Variants in SYCP2 observed in about 807,000 individuals in gnomAD.
The protein encoded by SYCP2 is synaptonemal complex protein 2.
Under a neutral mutation model 211.3 loss-of-function variants are expected in SYCP2, and 55 were observed. That is an observed-to-expected ratio of 0.26 (90% CI 0.21 to 0.33). The LOEUF (loss-of-function observed/expected upper bound fraction) is 0.33. Ranked by LOEUF, SYCP2 falls within the 10% of genes least tolerant of loss-of-function variation. SYCP2 has a pLI of 1.00. For missense variants in SYCP2, 1,731 were observed against 1,752.0 expected (o/e 0.99, Z 0.21); for synonymous variants, 570 against 555.2 (o/e 1.03, Z -0.37).
intron 2 of SYCP2, among the ~76,000 whole-genome samples, chr20:59,925,907 C>A (rs147914904): frequency 5.4e-4 from 82 of 152,052 alleles, no homozygotes; most frequent in African/African-American, 1.9e-3. Context: ...TGCTTTAAAA[C>A]CTCACTAGTT....
intron 24 of SYCP2, among the ~76,000 whole-genome samples, chr20:59,889,498 T>C (rs1017395321): frequency 6.6e-6 from 1 of 152,046 alleles, no homozygotes; most frequent in Non-Finnish European, 1.5e-5. Flanking sequence ...TGAGGTCTCC[T>C]GATTTTATAT....
At chr20:59,914,365 AATTG>A (rs2060391188) in intron 10 of SYCP2, 114 bp from the exon 11 acceptor site, 2 of 513,192 alleles carry the variant, frequency 3.9e-6, no homozygotes, top group Non-Finnish European at 6.5e-6. Flanking sequence ...ATATTAATGT[AATTG>A]ATTAATCTAT....
At chr20:59,923,454 GATT>G (rs1443617338) in intron 2 of SYCP2, among the ~76,000 whole-genome samples, 1 of 151,656 alleles carries the variant, frequency 6.6e-6, no homozygotes, top group Non-Finnish European at 1.5e-5. Flanking sequence ...AAAGTCTGAT[GATT>G]ATGTTTCTTA....
rs75724606 is a variant in SYCP2, at chr20:59,882,514, A to G, written c.2530-349T>C. 4.9e-3 allele frequency among the ~76,000 whole-genome samples: 739 copies of G among 152,326 alleles called. 4 individuals are homozygous for G. Among genetic ancestry groups the G allele is most frequent in the African/African-American group, 0.017 (705 of 41,582 alleles). The stretch of plus-strand genomic sequence containing the variant: ...TCTGCACACCCATGGTTACTGCAGC[A>G]TTATTGAAACCTAAGTGTCCACCAG... On this transcript the variant is annotated intron_variant, in intron 26 of 44. Coordinates refer to ENST00000357552, the MANE Select transcript of SYCP2 (RefSeq NM_014258.4).
intron 31 of SYCP2, 131 bp from the exon 32 acceptor site, chr20:59,878,176 A>C (rs1206002737): frequency 3.1e-6 from 2 of 645,478 alleles, no homozygotes; most frequent in Non-Finnish European, 5.0e-6. Context: ...ATGTGTTAGC[A>C]TTTAATAAGT....
chr20:59,915,236 T>C, intron 9 of SYCP2, 37 bp from the exon 10 acceptor site: 1 of 1,442,322 alleles, frequency 6.9e-7, no homozygotes, highest in Middle Eastern at 1.8e-4. Context: ...AATAGACCAG[T>C]ATCAATTAAA....
intron 26 of SYCP2, among the ~76,000 whole-genome samples, chr20:59,883,434 CAAAG>C (rs1445015547): frequency 2.6e-5 from 4 of 151,874 alleles, no homozygotes; most frequent in African/African-American, 9.7e-5. Flanking sequence ...AACATGGAAA[CAAAG>C]TAAGTATTCA....
chr20:59,893,484 T>C, intron 21 of SYCP2, 40 bp downstream of exon 21: 4 of 1,345,514 alleles, frequency 3.0e-6, no homozygotes, highest in Non-Finnish European at 4.2e-6. Flanking sequence ...TATATACATT[T>C]TCTTAAAAAA....
chr20:59,920,273 T>C, intron 5 of SYCP2, 86 bp downstream of exon 5: 1 of 1,240,616 alleles, frequency 8.1e-7, no homozygotes, highest in South Asian at 1.6e-5. Context: ...TAAATTTATT[T>C]TCAACAATTT....
chr20:59,877,576 A>T (rs2059585920), intron 32 of SYCP2, 21 bp from the exon 33 acceptor site: 1 of 1,568,496 alleles, frequency 6.4e-7, no homozygotes, highest in Non-Finnish European at 8.6e-7. Context: ...AAAATTCCTG[A>T]ATATTAGATC....
At chr20:59,865,723 T>C (rs188982765) in intron 42 of SYCP2, 72 bp from the exon 43 acceptor site, 19 of 1,071,158 alleles carry the variant, frequency 1.8e-5, no homozygotes, top group East Asian at 3.0e-5. Flanking sequence ...ATATAGTATA[T>C]ATAATTTTAA....
chr20:59,900,083 A>T, intron 18 of SYCP2, 55 bp downstream of exon 18: 1 of 1,550,612 alleles, frequency 6.4e-7, no homozygotes, highest in Non-Finnish European at 8.9e-7. Context: ...CTCATATATA[A>T]CAGTGATTTG....
chr20:59,898,132 AAAAG>A (rs1370762936), intron 18 of SYCP2, among the ~76,000 whole-genome samples: 6 of 152,272 alleles, frequency 3.9e-5, no homozygotes, highest in Middle Eastern at 3.4e-3. Flanking sequence ...AAATTAAATA[AAAAG>A]AAAGAAAGTG....
Position 59,905,765 on chromosome 20 carries a change from T to C in SYCP2, c.1033+1599A>G, listed in dbSNP as rs185014616. 1.2e-3 allele frequency among the ~76,000 whole-genome samples: 188 copies of C among 152,282 alleles called. 2 individuals carry two copies. In the South Asian group the frequency reaches 0.013, roughly 10 times the overall value. ...TACAAAAGACTTTTGGCTAACATTA[T>C]ACTTAATGGTAAAATACTGAATGTT... On this transcript the variant is annotated intron_variant, in intron 15 of 44. Transcript: ENST00000357552.
At chr20:59,927,624 T>A (rs548623764) in intron 2 of SYCP2, among the ~76,000 whole-genome samples, 1 of 152,006 alleles carries the variant, frequency 6.6e-6, no homozygotes, top group East Asian at 1.9e-4. Flanking sequence ...AAAAAACAGG[T>A]TAATAATTAA....
At chr20:59,891,050 CA>C (rs1226327080) in intron 24 of SYCP2, among the ~76,000 whole-genome samples, 1 of 151,814 alleles carries the variant, frequency 6.6e-6, no homozygotes, top group Non-Finnish European at 1.5e-5. Context: ...CTGGTCAAGA[CA>C]AATTAAATAA....
chr20:59,889,277 C>A (rs1239564181), intron 24 of SYCP2, among the ~76,000 whole-genome samples: 3 of 151,904 alleles, frequency 2.0e-5, no homozygotes, highest in African/African-American at 7.3e-5. Context: ...ATCAATTCTA[C>A]CAAATGTACC....
intron 2 of SYCP2, among the ~76,000 whole-genome samples, chr20:59,925,037 G>A (rs1486781335): frequency 1.3e-5 from 2 of 151,998 alleles, no homozygotes; most frequent in East Asian, 1.9e-4. Flanking sequence ...GAACAATTAA[G>A]TTTCTAGAAC....
Position 59,915,202 on chromosome 20 carries a change from G to A in SYCP2, c.600-3C>T, listed in dbSNP as rs367643132. The A allele has an allele frequency of 9.9e-5, 155 of 1,572,334 alleles. No homozygotes were observed. The highest frequency in any genetic ancestry group is 1.2e-4 in the Non-Finnish European group (132 of 1,144,792). ...AAATCCTTTCTCCCATACTACTCCT[G>A]TGAATTAAAATAACAGATTACAAAA... On this transcript the variant is annotated splice_polypyrimidine_tract_variant and splice_region_variant and intron_variant, in intron 9 of 44. Transcript: ENST00000357552.
Sources: gnomAD v4.1 joint callset for allele counts (sites outside exome capture counted in the v4.1 genomes callset) on GRCh38, gnomAD v4.1.1 for gene constraint, MANE v1.5 for transcripts, NCBI Gene and HGNC (gene_info 2026-07-23, HGNC 2026-07-21) for gene names.